ZBTB8OS: variants seen among roughly 807,000 people sequenced by gnomAD.
ZBTB8OS encodes tRNA splicing ligase complex subunit 1, also known as tRNA-splicing ligase-activating factor archease.
Under a neutral mutation model 29.3 loss-of-function variants are expected in ZBTB8OS, and 16 were observed. The observed-to-expected ratio is 0.55, with a 90% CI of 0.37 to 0.83. The LOEUF is 0.83. Ranked by LOEUF, ZBTB8OS falls within the 40% of genes least tolerant of loss-of-function variation. ZBTB8OS has a pLI of 0.00. For synonymous variants in ZBTB8OS, 70 were observed against 64.6 expected (o/e 1.08, Z -0.40); for missense variants, 160 against 196.9 (o/e 0.81, Z 1.12).
At chr1:32,642,177 T>G (rs1646462376) in intron 1 of ZBTB8OS, among the ~76,000 whole-genome samples, 1 of 151,988 alleles carries the variant, frequency 6.6e-6, no homozygotes, top group African/African-American at 2.4e-5. Flanking sequence ...AATCAAAATA[T>G]TTTACCCCAA....
At chr1:32,623,775 TC>T (rs1644906593) in intron 6 of ZBTB8OS, among the ~76,000 whole-genome samples, 1 of 152,220 alleles carries the variant, frequency 6.6e-6, no homozygotes, top group Non-Finnish European at 1.5e-5. Context: ...AGAAAGTTCT[TC>T]CTTATTTCTG....
chr1:32,631,579 CT>C (rs1489537892), intron 5 of ZBTB8OS, among the ~76,000 whole-genome samples: 2 of 152,082 alleles, frequency 1.3e-5, no homozygotes, highest in African/African-American at 4.8e-5. Context: ...CTAAGCTGGG[CT>C]TTATGCTGTG....
intron 1 of ZBTB8OS, among the ~76,000 whole-genome samples, chr1:32,635,810 A>C (rs533406630): frequency 6.6e-6 from 1 of 152,198 alleles, no homozygotes; most frequent in Non-Finnish European, 1.5e-5. Context: ...GAAGGAATTC[A>C]GTTCATGGTT....
At chr1:32,643,850 C>T (rs973791722) in intron 1 of ZBTB8OS, among the ~76,000 whole-genome samples, 1 of 150,368 alleles carries the variant, frequency 6.7e-6, no homozygotes, top group Non-Finnish European at 1.5e-5. Flanking sequence ...ATGGGGGTCT[C>T]ACTAGGTTGC....
chr1:32,633,569 T>C (rs1645734747), intron 4 of ZBTB8OS, 76 bp downstream of exon 4: 1 of 1,124,480 alleles, frequency 8.9e-7, no homozygotes, highest in African/African-American at 1.6e-5. Flanking sequence ...CATGTCCTAT[T>C]TTAAATCATC....
At chr1:32,627,443 C>T (rs1258466549) in intron 6 of ZBTB8OS, 65 bp downstream of exon 6, 1 of 1,430,052 alleles carries the variant, frequency 7.0e-7, no homozygotes, top group East Asian at 2.3e-5. Context: ...AGTTGATTGT[C>T]ACATATATGA....
chr1:32,648,176 T>C (rs1444967044), intron 1 of ZBTB8OS, among the ~76,000 whole-genome samples: 2 of 152,174 alleles, frequency 1.3e-5, no homozygotes, highest in African/African-American at 4.8e-5. Context: ...TAAGTATACT[T>C]TACAAATTAG....
Position 32,634,520 on chromosome 1 carries a change from C to T in ZBTB8OS, c.122+248G>A, listed in dbSNP as rs771072997. 11 of 554,046 alleles carry T rather than the reference C, an allele frequency of 2.0e-5. No individual in the cohort carries two copies. The East Asian group carries it at 3.1e-4, about 16-fold the overall frequency. The allele number at this position is 554,046 out of a possible 1,614,324, so 34.3% of individuals were successfully genotyped here. On this transcript the variant is annotated intron_variant, in intron 2 of 6. Transcript: ENST00000468695. ...GATTACAGGCGTTGAGCCACCACAC[C>T]CGGCCTTATTTTTATTTTTTATTTT...
intron 1 of ZBTB8OS, among the ~76,000 whole-genome samples, chr1:32,645,136 G>A (rs1452324511): frequency 6.6e-6 from 1 of 151,384 alleles, no homozygotes; most frequent in Non-Finnish European, 1.5e-5. Context: ...CCGAGATGGC[G>A]CCACTGCACT....
chr1:32,633,605 G>C (rs754199307), intron 4 of ZBTB8OS, 40 bp downstream of exon 4: 3 of 1,383,258 alleles, frequency 2.2e-6, no homozygotes, highest in South Asian at 2.5e-5. Flanking sequence ...TATGAACTAA[G>C]AATCCATTTG....
At chr1:32,634,182 C>T in intron 2 of ZBTB8OS, 110 bp from the exon 3 acceptor site, 1 of 996,122 alleles carries the variant, frequency 1.0e-6, no homozygotes, top group Non-Finnish European at 1.4e-6. Context: ...ATTTTAAGGC[C>T]TCAATCAATT....
intron 5 of ZBTB8OS, among the ~76,000 whole-genome samples, chr1:32,630,927 C>A (rs553433334): frequency 2.0e-5 from 3 of 152,122 alleles, no homozygotes; most frequent in East Asian, 3.9e-4. Context: ...GCAGAAGAAT[C>A]GCTTGAACCC....
At chr1:32,632,748 T>A (rs373898019) in intron 4 of ZBTB8OS, among the ~76,000 whole-genome samples, 1 of 152,190 alleles carries the variant, frequency 6.6e-6, no homozygotes, top group Admixed American at 6.5e-5. Context: ...CTGCAAGATA[T>A]ATGGTAGAGA....
chr1:32,645,953 A>G (rs1407480091), intron 1 of ZBTB8OS, among the ~76,000 whole-genome samples: 1 of 152,198 alleles, frequency 6.6e-6, no homozygotes, highest in Non-Finnish European at 1.5e-5. Context: ...TACTACTTAT[A>G]CAAGTGTACT....
intron 5 of ZBTB8OS, 65 bp downstream of exon 5, chr1:32,631,762 T>C (rs1645574349): frequency 7.2e-6 from 9 of 1,246,636 alleles, no homozygotes; most frequent in South Asian, 1.3e-5. Context: ...ATCTGTTTCC[T>C]TGCTCATTGA....
chr1:32,641,561 C>T (rs770317186), intron 1 of ZBTB8OS, among the ~76,000 whole-genome samples: 6 of 147,096 alleles, frequency 4.1e-5, no homozygotes, highest in Admixed American at 2.7e-4. Context: ...CATGAGCCAC[C>T]GCGCCCGGCC....
At position 32,635,005 on chromosome 1, in the gene ZBTB8OS, G is replaced by A. The variant is rs533621036; in HGVS notation, c.98-213C>T. 9.3e-5 allele frequency among the ~76,000 whole-genome samples: 14 copies of A among 151,222 alleles called. No homozygotes were observed. The South Asian group carries it at 1.0e-3, about 11-fold the overall frequency. ...CTTTTTTTTTTTGCGGGGACAGAGA[G>A]CCAAGATCGCGCCACTGCACTCCAG... On this transcript the variant is annotated intron_variant, in intron 1 of 6. Transcript: ENST00000468695.
upstream of ZBTB8OS, chr1:32,650,630 A>G (rs1046364791): frequency 6.2e-7 from 1 of 1,600,030 alleles, no homozygotes; most frequent in African/African-American, 1.3e-5. Flanking sequence ...GCACACCCTT[A>G]AAGGACCACA....
intron 6 of ZBTB8OS, among the ~76,000 whole-genome samples, chr1:32,626,623 A>C (rs544099834): frequency 3.4e-4 from 52 of 152,212 alleles, no homozygotes; most frequent in African/African-American, 1.2e-3. Context: ...ATCTCGGCTC[A>C]CTGCAACCTC....
Sources: gnomAD v4.1 joint callset for allele counts (sites outside exome capture counted in the v4.1 genomes callset) on GRCh38, gnomAD v4.1.1 for gene constraint, MANE v1.5 for transcripts, NCBI Gene and HGNC (gene_info 2026-07-23, HGNC 2026-07-21) for gene names.